The following IRGM variants were observed in gnomAD, a reference collection of about 807,000 sequenced individuals.
IRGM encodes immunity related GTPase M.
For missense variants in IRGM, 288 were observed against 219.9 expected (o/e 1.31, Z -1.96); for synonymous variants, 98 against 80.6 (o/e 1.22, Z -1.16).
Position 150,848,078 on chromosome 5 carries a change from G to A in IRGM, c.-46G>A. 1 of 1,466,948 alleles carries A rather than the reference G, an allele frequency of 6.8e-7. No individual in the cohort carries two copies. The highest frequency in any genetic ancestry group is 9.2e-7 in the Non-Finnish European group (1 of 1,091,380). 90.9% of individuals were successfully genotyped at this position (1,466,948 alleles called of 1,614,324 possible). ...GGCCTTCCAAAGTGCTGGGATTACA[G>A]GCATGAGCCACGGCGCCTGGCCAGC... On this transcript the variant is annotated 5_prime_UTR_variant, in exon 2 of 2. Coordinates refer to ENST00000522154, the MANE Select transcript of IRGM (RefSeq NM_001145805.2).
At chr5:150,874,512 G>A (rs949286658) in intron 1 of IRGM, among the ~76,000 whole-genome samples, 1 of 152,212 alleles carries the variant, frequency 6.6e-6, no homozygotes, top group East Asian at 1.9e-4. Flanking sequence ...AACAAGGAAA[G>A]AGGCATAACA....
intron 3 of IRGM, among the ~76,000 whole-genome samples, chr5:150,899,081 G>A (rs568582646): frequency 6.6e-6 from 1 of 152,100 alleles, no homozygotes; most frequent in African/African-American, 2.4e-5. Context: ...ATAATGCAAA[G>A]AGAAAAAAGA....
intron 1 of IRGM, among the ~76,000 whole-genome samples, chr5:150,862,526 T>C (rs181700714): frequency 9.2e-5 from 14 of 152,318 alleles, no homozygotes; most frequent in Admixed American, 8.5e-4. Context: ...GCCAATGGAT[T>C]GTGGGGGAAG....
chr5:150,848,412 G>T lies in IRGM; in HGVS notation c.289G>T (p.Ala97Ser), dbSNP rs750960300. The change falls in exon 2 of 2, where the codon GCC becomes TCC. Residue 97 changes from alanine (A) to serine (S), a missense_variant. Physicochemically the swap from Ala to Ser is moderately conservative, Grantham distance 99. Transcript: ENST00000522154. Reference protein sequence around the residue: ...VLWDLPGTGSATTTLENYLME... With the variant: ...VLWDLPGTGSSTTTLENYLME... ...GTGGGACCTGCCTGGCACAGGGTCT[G>T]CCACCACAACCCTGGAGAACTACCT... The T allele has an allele frequency of 6.4e-7, 1 of 1,551,826 alleles. No homozygotes were observed. Among genetic ancestry groups the T allele is most frequent in the Non-Finnish European group, 8.7e-7 (1 of 1,146,982 alleles).
intron 1 of IRGM, among the ~76,000 whole-genome samples, chr5:150,868,944 C>A (rs1325707804): frequency 6.6e-6 from 1 of 152,116 alleles, no homozygotes; most frequent in South Asian, 2.1e-4. Flanking sequence ...GACAGTTTGA[C>A]TTTCTCTTTA....
At chr5:150,895,435 C>T (rs1224924065) in intron 3 of IRGM, 2 of 1,599,844 alleles carry the variant, frequency 1.3e-6, no homozygotes, top group Admixed American at 3.4e-5. Flanking sequence ...TATGATTTTA[C>T]CACTGTGTGA....
chr5:150,899,111 A>G (rs932126503), intron 3 of IRGM, among the ~76,000 whole-genome samples: 1 of 152,104 alleles, frequency 6.6e-6, no homozygotes, highest in Non-Finnish European at 1.5e-5. Context: ...TAAAGAAGCC[A>G]AGGAGAGAGG....
chr5:150,848,779 C>T (rs143446045), downstream of IRGM: 257 of 769,898 alleles, frequency 3.3e-4, 1 homozygote, highest in African/African-American at 3.4e-3. Context: ...TTACAATTTT[C>T]GGGGGCATGT....
At chr5:150,895,396 A>G in intron 3 of IRGM, 7 of 1,516,752 alleles carry the variant, frequency 4.6e-6, no homozygotes, top group Non-Finnish European at 6.2e-6. Flanking sequence ...GCTTGAGCTA[A>G]TACTAAGGCT....
At chr5:150,862,499 C>T (rs1282527435) in intron 1 of IRGM, among the ~76,000 whole-genome samples, 1 of 152,102 alleles carries the variant, frequency 6.6e-6, no homozygotes, top group Non-Finnish European at 1.5e-5. Flanking sequence ...TCAGACCTGA[C>T]CATATGACTT....
At chr5:150,855,546 T>G (rs1754037374) in intron 1 of IRGM, among the ~76,000 whole-genome samples, 1 of 152,170 alleles carries the variant, frequency 6.6e-6, no homozygotes, top group South Asian at 2.1e-4. Context: ...GAATGTAAAC[T>G]TATCAAAAAA....
In IRGM at chr5:150,898,494, C is replaced by G; in HGVS notation, c.*141-2095C>G. 6.2e-7 allele frequency: 1 copy of G among 1,613,166 alleles called. No homozygotes were observed. Among genetic ancestry groups the G allele is most frequent in the African/African-American group, 1.3e-5 (1 of 74,940 alleles). On this transcript the variant is annotated intron_variant and NMD_transcript_variant, in intron 3 of 3. Transcript: ENST00000520549. ...CTGTACAGGGTCCTCTGAGAAGGGT[C>G]AAGTTGCTGCCACTCCTCCTGGGTG...
chr5:150,882,698 T>A (rs941174325), intron 3 of IRGM, among the ~76,000 whole-genome samples: 6 of 152,114 alleles, frequency 3.9e-5, no homozygotes, highest in African/African-American at 1.4e-4. Context: ...GCAACCAACA[T>A]CTGAGCACTT....
intron 1 of IRGM, among the ~76,000 whole-genome samples, chr5:150,856,184 G>C (rs908335401): frequency 6.6e-6 from 1 of 152,122 alleles, no homozygotes; most frequent in Non-Finnish European, 1.5e-5. Flanking sequence ...TGTAATCCCA[G>C]CACTTTGAGA....
At chr5:150,868,818 G>C (rs1449811668) in intron 1 of IRGM, among the ~76,000 whole-genome samples, 1 of 152,084 alleles carries the variant, frequency 6.6e-6, no homozygotes, top group East Asian at 1.9e-4. Context: ...CTACTGATTT[G>C]TGTACATTAA....
chr5:150,895,713 A>G (rs149008930), intron 3 of IRGM: 75 of 1,613,490 alleles, frequency 4.6e-5, no homozygotes, highest in African/African-American at 2.7e-4. Flanking sequence ...CTGATGTCCA[A>G]TGAGATGTGA....
chr5:150,896,820 T>G lies in IRGM; in HGVS notation c.*141-3769T>G, dbSNP rs929953875. 8.1e-6 allele frequency: 13 copies of G among 1,613,780 alleles called. No individual in the cohort carries two copies. The highest frequency in any genetic ancestry group is 1.1e-5 in the Non-Finnish European group (13 of 1,179,762). On this transcript the variant is annotated intron_variant and NMD_transcript_variant, in intron 3 of 3. Transcript: ENST00000520549. ...GACCTGCCTGAAGAGTTTGTCTTGA[T>G]TCTCTAGAAATCTCTGCAGCTGACC...
At chr5:150,881,605 G>A (rs1458825317) in intron 3 of IRGM, among the ~76,000 whole-genome samples, 1 of 152,072 alleles carries the variant, frequency 6.6e-6, no homozygotes, top group African/African-American at 2.4e-5. Context: ...GGTGGTGTGT[G>A]AATCACCTAT....
intron 1 of IRGM, among the ~76,000 whole-genome samples, chr5:150,872,395 G>A (rs1754298560): frequency 6.6e-6 from 1 of 152,190 alleles, no homozygotes; most frequent in Non-Finnish European, 1.5e-5. Flanking sequence ...CCTCCCCTGA[G>A]GCAGTTGTGA....
Sources: gnomAD v4.1 joint callset for allele counts (sites outside exome capture counted in the v4.1 genomes callset) on GRCh38, gnomAD v4.1.1 for gene constraint, MANE v1.5 for transcripts, NCBI Gene and HGNC (gene_info 2026-07-23, HGNC 2026-07-21) for gene names.